SLC6A4: variants seen among roughly 807,000 people sequenced by gnomAD.
SLC6A4 encodes sodium-dependent serotonin transporter.
A neutral mutation model predicts 73.4 loss-of-function variants in SLC6A4; 22 were observed. The ratio of observed to expected loss-of-function variants is 0.30; its 90% confidence interval spans 0.21 to 0.43. The LOEUF is 0.43. SLC6A4 is among the 20% of genes least tolerant of loss of function. SLC6A4 has a pLI of 1.00. For missense variants in SLC6A4, 593 were observed against 808.5 expected (o/e 0.73, Z 3.23); for synonymous variants, 270 against 315.5 (o/e 0.86, Z 1.53).
intron 14 of SLC6A4, among the ~76,000 whole-genome samples, chr17:30,200,387 C>T (rs1305301046): frequency 6.6e-6 from 1 of 152,204 alleles, no homozygotes; most frequent in African/African-American, 2.4e-5. Context: ...TCTTCATAAA[C>T]GTGTACTCAT....
chr17:30,206,491 T>C (rs1242213428), intron 13 of SLC6A4: 1 of 152,056 alleles, frequency 6.6e-6, no homozygotes, highest in Non-Finnish European at 1.5e-5. Context: ...TGGTAATAAA[T>C]GGATTCTACT....
chr17:30,210,207 A>G (rs56253208), intron 11 of SLC6A4, among the ~76,000 whole-genome samples: 38 of 152,322 alleles, frequency 2.5e-4, no homozygotes, highest in Admixed American at 1.4e-3. Context: ...AAGCAGCTCT[A>G]AAGAGTGGAA....
chr17:30,217,356 G>C (rs1437157496), intron 5 of SLC6A4, 52 bp from the exon 6 acceptor site: 9 of 1,577,312 alleles, frequency 5.7e-6, no homozygotes, highest in South Asian at 1.2e-5. Flanking sequence ...GAGTGACCTG[G>C]GCACACATCT....
intron 11 of SLC6A4, among the ~76,000 whole-genome samples, chr17:30,209,835 A>G (rs1906328299): frequency 6.6e-6 from 1 of 152,012 alleles, no homozygotes; most frequent in Non-Finnish European, 1.5e-5. Context: ...AACTTTCTTC[A>G]ACTTATTGAA....
At chr17:30,204,293 A>T (rs1906123271) in intron 13 of SLC6A4, 1 of 152,192 alleles carries the variant, frequency 6.6e-6, no homozygotes, top group Admixed American at 6.5e-5. Flanking sequence ...ACATCTATTT[A>T]TATCTTTTTT....
At position 30,208,038 on chromosome 17, in the gene SLC6A4, C is replaced by A. The variant is rs55817332; in HGVS notation, c.1550-206G>T. 2.9e-4 allele frequency among the ~76,000 whole-genome samples: 44 copies of A among 152,160 alleles called. No homozygotes were observed. In the East Asian group the frequency reaches 6.0e-3, roughly 21 times the overall value. On this transcript the variant is annotated intron_variant, in intron 12 of 14. Coordinates refer to ENST00000650711, the MANE Select transcript of SLC6A4 (RefSeq NM_001045.6). ...GGAGTACAGCGACAACAATCTGGTCCGAAAGTGGGGCTGGGGGACTTGTCA... is the reference window on the plus strand; with the variant it reads ...GGAGTACAGCGACAACAATCTGGTCAGAAAGTGGGGCTGGGGGACTTGTCA...
chr17:30,213,372 A>G (rs1222798414), intron 8 of SLC6A4, among the ~76,000 whole-genome samples: 1 of 140,992 alleles, frequency 7.1e-6, no homozygotes, highest in East Asian at 2.0e-4. Flanking sequence ...GCTTGATCTC[A>G]GCTCACTGTA....
At chr17:30,214,890 C>T (rs1323589846) in intron 8 of SLC6A4, among the ~76,000 whole-genome samples, 3 of 152,012 alleles carry the variant, frequency 2.0e-5, no homozygotes, top group Non-Finnish European at 2.9e-5. Flanking sequence ...GCCTCGGCCT[C>T]CCAAAGTGTT....
rs1178171471 is a variant in SLC6A4, at chr17:30,209,160, G to A, written c.1532C>T (p.Ala511Val). Residue 511 changes from alanine (A) to valine (V), a missense_variant, in exon 12 of 15, where the codon GCT becomes GTT. Coordinates refer to ENST00000650711, the MANE Select transcript of SLC6A4 (RefSeq NM_001045.6). ...CGTCTTACCATAGAACCAAGACACA[G>A]CGACTGCTTCGATCAGCGCGACAGT... ...VLTVALIEAV[A>V]VSWFYGITQF... The A allele has an allele frequency of 3.1e-6, 5 of 1,613,136 alleles. No homozygotes were observed. The highest frequency in any genetic ancestry group is 4.2e-6 in the Non-Finnish European group (5 of 1,179,280).
intron 7 of SLC6A4, 48 bp downstream of exon 7, chr17:30,216,034 G>T: frequency 6.4e-7 from 1 of 1,573,234 alleles, no homozygotes; most frequent in Non-Finnish European, 8.7e-7. Context: ...GACCAGCTTC[G>T]TTTAGTAAAA....
intron 3 of SLC6A4, 73 bp downstream of exon 3, chr17:30,221,543 C>CCCGGGTCACAGCCCACT: frequency 1.4e-6 from 2 of 1,391,848 alleles, no homozygotes; most frequent in South Asian, 1.3e-5. Context: ...CACAGCCCAC[C>CCCGGGTCACAGCCCACT]CCGGGTCACA....
intron 1 of SLC6A4, among the ~76,000 whole-genome samples, chr17:30,223,119 C>T (rs1368147002): frequency 6.6e-6 from 1 of 152,144 alleles, no homozygotes; most frequent in Non-Finnish European, 1.5e-5. Context: ...GGACTTTAAA[C>T]CTATGGCCTG....
chr17:30,220,429 T>C (rs1906710223), intron 3 of SLC6A4, among the ~76,000 whole-genome samples: 1 of 152,200 alleles, frequency 6.6e-6, no homozygotes, highest in Non-Finnish European at 1.5e-5. Flanking sequence ...TTTTATAATC[T>C]ACAAGTTAAC....
chr17:30,225,761 C>T (rs1326700960), intron 1 of SLC6A4, among the ~76,000 whole-genome samples: 2 of 152,160 alleles, frequency 1.3e-5, no homozygotes, highest in Non-Finnish European at 2.9e-5. Flanking sequence ...AAGCTTCGTC[C>T]CCCTAGGTCT....
chr17:30,212,055 A>C (rs968335015), intron 9 of SLC6A4, among the ~76,000 whole-genome samples: 3 of 152,144 alleles, frequency 2.0e-5, no homozygotes, highest in African/African-American at 4.8e-5. Context: ...GACCTCGCCC[A>C]CTAGATGCCA....
intron 11 of SLC6A4, among the ~76,000 whole-genome samples, chr17:30,210,077 CA>C (rs79332361): frequency 0.035 from 4,280 of 121,820 alleles, 175 homozygotes; most frequent in African/African-American, 0.11. Context: ...CTTCAGCTAC[CA>C]AAAAAAAAAA....
rs199833119 is a variant in SLC6A4, at chr17:30,197,607, A to C, written c.*849T>G. On this transcript the variant is annotated 3_prime_UTR_variant, in exon 15 of 15. Transcript: ENST00000650711. Reference sequence around the variant, plus strand: ...CTGTGGAACACTGTCCTGAATGTTTAGCACAGAGAGACAGGAAGGTGGCAA... The same window carrying C: ...CTGTGGAACACTGTCCTGAATGTTTCGCACAGAGAGACAGGAAGGTGGCAA... 2.0e-5 allele frequency: 3 copies of C among 152,410 alleles called. No individual in the cohort carries two copies. The highest frequency in any genetic ancestry group is 4.4e-5 in the Non-Finnish European group (3 of 68,066). 9.4% of individuals were successfully genotyped at this position (152,410 alleles called of 1,614,324 possible).
Position 30,221,379 on chromosome 17 carries a change from G to A in SLC6A4, c.343+237C>T, listed in dbSNP as rs1379338048. 2.0e-5 allele frequency among the ~76,000 whole-genome samples: 3 copies of A among 151,844 alleles called. No individual in the cohort carries two copies. The South Asian group carries it at 6.2e-4, about 32-fold the overall frequency. ...TAATCTGTCTTCTGGCCTCTCAAGA[G>A]GACCTACAGCCCATCCCAGGTCACA... On this transcript the variant is annotated intron_variant, in intron 3 of 14. Transcript: ENST00000650711.
At position 30,222,184 on chromosome 17, in the gene SLC6A4, A is replaced by G. The variant is rs7212502; in HGVS notation, c.-123-103T>C. 9.2e-3 allele frequency: 6,442 copies of G among 700,002 alleles called. 314 individuals carry two copies. The African/African-American group carries it at 0.1, about 11-fold the overall frequency. The allele number at this position is 700,002 out of a possible 1,614,324, so 43.4% of individuals were successfully genotyped here. On this transcript the variant is annotated intron_variant, in intron 2 of 14. Coordinates refer to ENST00000650711, the MANE Select transcript of SLC6A4 (RefSeq NM_001045.6). ...TTAAACTACATTAGTTAACGGGATT[A>G]CAAATGCATCTGTTAAATGTGAGAC...
Sources: allele counts gnomAD v4.1 joint callset (sites outside exome capture counted in the v4.1 genomes callset), GRCh38; gene constraint gnomAD v4.1.1; transcripts MANE v1.5; gene names NCBI Gene and HGNC (gene_info 2026-07-23, HGNC 2026-07-21).